The following GPR39 variants were observed in gnomAD, a reference collection of about 807,000 sequenced individuals.
The protein encoded by GPR39 is G protein-coupled receptor 39.
GPR39 carries 23 observed loss-of-function variants against 18.4 expected under a neutral mutation model. The ratio of observed to expected loss-of-function variants is 1.25; its 90% CI spans 0.90 to 1.77. GPR39 has a LOEUF of 1.77. GPR39 is among the 40% of genes most tolerant of loss of function. The pLI is 0.00. For missense variants in GPR39, 647 were observed against 602.4 expected, an observed-to-expected ratio of 1.07 and a Z score of -0.78; for synonymous variants, 280 against 257.9, an observed-to-expected ratio of 1.09 and a Z score of -0.82.
rs1240601600 is a variant in GPR39 at position 132,645,796 on chromosome 2, A to T, written c.*190A>T. 7 of 800,402 alleles carry T rather than the reference A, an allele frequency of 8.7e-6. No individual in the cohort carries two copies. The highest frequency in any genetic ancestry group is 3.7e-4 in the Middle Eastern group (1 of 2,712). 49.6% of individuals were successfully genotyped at this position (800,402 alleles called of 1,614,324 possible). On this transcript the variant is annotated 3_prime_UTR_variant, in exon 2 of 2. Coordinates refer to ENST00000329321, the MANE Select transcript of GPR39 (RefSeq NM_001508.3). Reference sequence around the variant, plus strand: ...CCAGCCTGGCCTTGACTCCGGTTACACAGACATGGGGGTGAACTTTCACTC... The same window carrying T: ...CCAGCCTGGCCTTGACTCCGGTTACTCAGACATGGGGGTGAACTTTCACTC...
At chr2:132,583,570 G>T (rs1680667629) in intron 1 of GPR39, among the ~76,000 whole-genome samples, 1 of 151,866 alleles carries the variant, frequency 6.6e-6, no homozygotes, top group Non-Finnish European at 1.5e-5. Flanking sequence ...TCAGTTATTG[G>T]TTTGTAAAAA....
At chr2:132,471,605 T>G (rs944398629) in intron 1 of GPR39, among the ~76,000 whole-genome samples, 2 of 152,086 alleles carry the variant, frequency 1.3e-5, no homozygotes, top group Non-Finnish European at 2.9e-5. Flanking sequence ...GCCACTGGTT[T>G]ATCACCTACA....
chr2:132,551,979 A>G lies in GPR39; in HGVS notation c.857-93122A>G, dbSNP rs532183741. On this transcript the variant is annotated intron_variant, in intron 1 of 1. Transcript: ENST00000329321. ...GGATGTATTAGTCAGGGTCCTCCAG[A>G]GAAATAGCACCAATAGGATGTGTGG... 9.2e-5 allele frequency among the ~76,000 whole-genome samples: 14 copies of G among 152,346 alleles called. No homozygotes were observed. The South Asian group carries it at 1.2e-3, about 14-fold the overall frequency.
intron 1 of GPR39, among the ~76,000 whole-genome samples, chr2:132,548,553 T>C (rs1679987580): frequency 6.6e-6 from 1 of 152,202 alleles, no homozygotes; most frequent in Non-Finnish European, 1.5e-5. Flanking sequence ...AACAATCAAG[T>C]GAAAGGAATT....
intron 1 of GPR39, among the ~76,000 whole-genome samples, chr2:132,568,162 C>T (rs1680383781): frequency 6.6e-6 from 1 of 152,042 alleles, no homozygotes; most frequent in Non-Finnish European, 1.5e-5. Context: ...CTCCCCTTGC[C>T]AGTGGTTAAG....
chr2:132,424,030 G>A (rs1486350817), intron 1 of GPR39, among the ~76,000 whole-genome samples: 4 of 152,180 alleles, frequency 2.6e-5, no homozygotes, highest in African/African-American at 9.6e-5. Flanking sequence ...AAAGGGTTAT[G>A]ATTCCTCTGA....
intron 1 of GPR39, among the ~76,000 whole-genome samples, chr2:132,572,874 C>T (rs1467206673): frequency 6.6e-6 from 1 of 152,160 alleles, no homozygotes; most frequent in Non-Finnish European, 1.5e-5. Context: ...TCATTTCAGC[C>T]AAGGAAATGA....
intron 1 of GPR39, among the ~76,000 whole-genome samples, chr2:132,581,760 G>A (rs1680627885): frequency 6.6e-6 from 1 of 152,258 alleles, no homozygotes; most frequent in Admixed American, 6.5e-5. Flanking sequence ...CCCTCTGCAG[G>A]GGAAGAATTA....
Position 132,645,654 on chromosome 2 carries a change from G to GAAAACGTCA in GPR39, c.*49_*57dup, listed in dbSNP as rs773368569. 6.4e-7 allele frequency: 1 copy of GAAAACGTCA among 1,567,764 alleles called. No individual in the cohort carries two copies. The highest frequency in any genetic ancestry group is 1.4e-5 in the African/African-American group (1 of 73,248). On this transcript the variant is annotated 3_prime_UTR_variant, in exon 2 of 2. Coordinates refer to ENST00000329321, the MANE Select transcript of GPR39 (RefSeq NM_001508.3). ...GTGGGAACTGGCCCTCCAGCCCTAA[G>GAAAACGTCA]AAAACGTCACTCTCACTCTGCAGTC... is the stretch of plus-strand genomic sequence containing the variant.
intron 1 of GPR39, among the ~76,000 whole-genome samples, chr2:132,475,777 G>T (rs1442895473): frequency 6.6e-6 from 1 of 152,164 alleles, no homozygotes. Context: ...CAGAATCTTT[G>T]CACTTTTAGA....
intron 1 of GPR39, among the ~76,000 whole-genome samples, chr2:132,420,678 C>T (rs934739299): frequency 2.0e-5 from 3 of 152,136 alleles, no homozygotes; most frequent in Non-Finnish European, 2.9e-5. Flanking sequence ...TAAGATTGTT[C>T]GCCGCTCGTT....
intron 1 of GPR39, among the ~76,000 whole-genome samples, chr2:132,628,438 G>A (rs921656172): frequency 6.6e-6 from 1 of 152,186 alleles, no homozygotes; most frequent in African/African-American, 2.4e-5. Context: ...GCCCTGGCAG[G>A]AGAGAGGAGG....
At chr2:132,618,692 C>G (rs988136057) in intron 1 of GPR39, among the ~76,000 whole-genome samples, 1 of 152,306 alleles carries the variant, frequency 6.6e-6, no homozygotes, top group Middle Eastern at 3.4e-3. Flanking sequence ...CCCACATAAG[C>G]AGGCAAATTA....
chr2:132,551,006 G>A lies in GPR39; in HGVS notation c.857-94095G>A, dbSNP rs144500924. 4.4e-4 allele frequency among the ~76,000 whole-genome samples: 67 copies of A among 152,300 alleles called. 1 individual carries two copies. The East Asian group carries it at 0.012, about 28-fold the overall frequency. On this transcript the variant is annotated intron_variant, in intron 1 of 1. Coordinates refer to ENST00000329321, the MANE Select transcript of GPR39 (RefSeq NM_001508.3). ...CTGATGGCATTTTCTGTTGCAGTAA[G>A]TTTGTTGGTTGTAATATAGTTTTTG...
At chr2:132,624,731 C>T in intron 1 of GPR39, among the ~76,000 whole-genome samples, 1 of 152,184 alleles carries the variant, frequency 6.6e-6, no homozygotes, top group East Asian at 1.9e-4. Flanking sequence ...GTGAGATTTG[C>T]TCATGTTCTA....
At chr2:132,514,655 A>G (rs965435478) in intron 1 of GPR39, among the ~76,000 whole-genome samples, 1 of 152,192 alleles carries the variant, frequency 6.6e-6, no homozygotes, top group Non-Finnish European at 1.5e-5. Context: ...CTTAGAGCCT[A>G]GCAGGCACAG....
intron 1 of GPR39, among the ~76,000 whole-genome samples, chr2:132,565,557 C>T (rs1321944962): frequency 1.6e-5 from 2 of 122,082 alleles, no homozygotes; most frequent in East Asian, 6.0e-4. Context: ...CCCCTCCCCC[C>T]ACCCCACCAC....
intron 1 of GPR39, among the ~76,000 whole-genome samples, chr2:132,566,735 G>T (rs970038703): frequency 1.3e-5 from 2 of 152,206 alleles, no homozygotes; most frequent in African/African-American, 4.8e-5. Flanking sequence ...GGAGCTTAGG[G>T]TAAGTGCTCC....
At chr2:132,450,216 T>C (rs73955693) in intron 1 of GPR39, among the ~76,000 whole-genome samples, 1 of 152,196 alleles carries the variant, frequency 6.6e-6, no homozygotes, top group Non-Finnish European at 1.5e-5. Context: ...GATGTCTGCA[T>C]GGAGCTCATA....
Sources: gnomAD v4.1 joint callset for allele counts (sites outside exome capture counted in the v4.1 genomes callset) on GRCh38, gnomAD v4.1.1 for gene constraint, MANE v1.5 for transcripts, NCBI Gene and HGNC (gene_info 2026-07-23, HGNC 2026-07-21) for gene names.